SCAPER: variants seen among roughly 807,000 people sequenced by gnomAD.
SCAPER encodes S phase cyclin A-associated protein in the endoplasmic reticulum.
A neutral mutation model predicts 182.2 loss-of-function variants in SCAPER; 98 were observed. The observed-to-expected ratio is 0.54, with a 90% CI of 0.46 to 0.64. The LOEUF is 0.64. Among genes scored for constraint, SCAPER ranks in the 30% least tolerant of loss-of-function variants. The pLI is 0.00. For missense variants in SCAPER, 1,432 were observed against 1,690.0 expected (o/e 0.85, Z 2.68); for synonymous variants, 605 against 564.6 (o/e 1.07, Z -1.01).
rs1310915756 is a variant in SCAPER at position 76,574,259 on chromosome 15, G to C, written c.2737C>G (p.Leu913Val). The change falls in exon 23 of 32, where the codon CTA becomes GTA. Residue 913 changes from leucine to valine, a missense_variant. Leu to Val is a conservative substitution (Grantham distance 32). This residue lies in a region of SCAPER where 718 missense variants were observed against 799.7 expected (regional missense o/e 0.90). Transcript: ENST00000563290. ...CTGTCTTGAACTTGTACTTGTTTTA[G>C]AAGATCTTTGGCTAATCGCTGAAGC... Reference protein sequence around the residue: ...AKLQRLAKDLLKQVQVQDSGS... With the variant: ...AKLQRLAKDLVKQVQVQDSGS... 2 of 1,611,656 alleles carry C rather than the reference G, an allele frequency of 1.2e-6. No individual in the cohort carries two copies. The highest frequency in any genetic ancestry group is 1.3e-5 in the African/African-American group (1 of 74,994).
chr15:76,654,359 G>A (rs993998455), intron 21 of SCAPER, among the ~76,000 whole-genome samples: 15 of 151,704 alleles, frequency 9.9e-5, no homozygotes, highest in African/African-American at 3.4e-4. Flanking sequence ...AGTGAGCCGA[G>A]ATCACACCAC....
chr15:76,635,029 A>T (rs1229172902), intron 21 of SCAPER, among the ~76,000 whole-genome samples: 1 of 152,250 alleles, frequency 6.6e-6, no homozygotes, highest in Non-Finnish European at 1.5e-5. Flanking sequence ...TCACAAAATC[A>T]TCACCAAACT....
chr15:76,383,105 T>TACC (rs2043070507), intron 27 of SCAPER, among the ~76,000 whole-genome samples: 1 of 149,948 alleles, frequency 6.7e-6, no homozygotes, highest in African/African-American at 2.5e-5. Flanking sequence ...TGTGTGTAAA[T>TACC]ACACACACAC....
chr15:76,747,515 A>G (rs2061857640), intron 15 of SCAPER, among the ~76,000 whole-genome samples: 3 of 151,924 alleles, frequency 2.0e-5, no homozygotes, highest in South Asian at 4.1e-4. Flanking sequence ...ATATATATAT[A>G]TATGTAATCA....
chr15:76,751,496 A>G (rs957427525), intron 15 of SCAPER, among the ~76,000 whole-genome samples: 2 of 151,834 alleles, frequency 1.3e-5, no homozygotes, highest in African/African-American at 4.8e-5. Context: ...AACTACAATC[A>G]TGAAAACAGT....
rs575069655 is a variant in SCAPER, at chr15:76,363,990, A to G, written c.3856-9850T>C. 5.3e-4 allele frequency among the ~76,000 whole-genome samples: 81 copies of G among 152,334 alleles called. 1 individual carries two copies. The highest frequency in any genetic ancestry group is 1.9e-3 in the South Asian group (9 of 4,824). The stretch of plus-strand genomic sequence containing the variant: ...GAGGCCAATGACCTCTATGTGTCAT[A>G]AAGAATATGGCATGCCCCAAACACA... On this transcript the variant is annotated intron_variant, in intron 29 of 31. Coordinates refer to ENST00000563290, the MANE Select transcript of SCAPER (RefSeq NM_020843.4).
chr15:76,753,291 A>C (rs558594111), intron 15 of SCAPER, among the ~76,000 whole-genome samples: 1 of 152,016 alleles, frequency 6.6e-6, no homozygotes, highest in Non-Finnish European at 1.5e-5. Flanking sequence ...CCCAGCAATG[A>C]AAAGAAAGGA....
intron 17 of SCAPER, among the ~76,000 whole-genome samples, chr15:76,727,430 C>G (rs775217259): frequency 1.4e-4 from 21 of 151,962 alleles, no homozygotes; most frequent in Non-Finnish European, 2.9e-4. Context: ...AGTCCACGAG[C>G]AGACCCACAC....
intron 26 of SCAPER, among the ~76,000 whole-genome samples, chr15:76,421,647 T>A (rs1307829030): frequency 1.3e-5 from 2 of 152,254 alleles, no homozygotes; most frequent in Non-Finnish European, 2.9e-5. Context: ...TTGTCAACTT[T>A]GGCTTTTGTT....
At position 76,572,944 on chromosome 15, in the gene SCAPER, C is replaced by CACACAG. The variant is rs1304389875; in HGVS notation, c.2838+1213_2838+1214insCTGTGT. 1.5e-4 allele frequency among the ~76,000 whole-genome samples: 23 copies of CACACAG among 151,548 alleles called. No individual in the cohort carries two copies. The East Asian group carries it at 2.3e-3, about 15-fold the overall frequency. On this transcript the variant is annotated intron_variant, in intron 23 of 31. Transcript: ENST00000563290. ...TCACACACACACACACACACACACA[C>CACACAG]AGAGAAATGTCCACTGTCAGAATAG...
At chr15:76,724,608 G>A (rs903435388) in intron 17 of SCAPER, among the ~76,000 whole-genome samples, 2 of 152,088 alleles carry the variant, frequency 1.3e-5, no homozygotes, top group African/African-American at 4.8e-5. Flanking sequence ...CATATTTCTT[G>A]GAGGCTTTGT....
chr15:76,752,638 C>A (rs2062160777), intron 15 of SCAPER, among the ~76,000 whole-genome samples: 1 of 151,692 alleles, frequency 6.6e-6, no homozygotes, highest in African/African-American at 2.4e-5. Flanking sequence ...TAAAATTACA[C>A]CATATCATTC....
intron 22 of SCAPER, among the ~76,000 whole-genome samples, chr15:76,614,066 A>G (rs1173155047): frequency 6.6e-6 from 1 of 152,228 alleles, no homozygotes; most frequent in African/African-American, 2.4e-5. Flanking sequence ...TAATACAGCC[A>G]TAAGAAGGAA....
At chr15:76,706,792 A>G (rs2059285116) in intron 17 of SCAPER, among the ~76,000 whole-genome samples, 1 of 152,072 alleles carries the variant, frequency 6.6e-6, no homozygotes, top group Non-Finnish European at 1.5e-5. Context: ...CACTCCCCTC[A>G]TGTATCCCAG....
chr15:76,582,251 T>A (rs1303541283), intron 22 of SCAPER, among the ~76,000 whole-genome samples: 1 of 152,224 alleles, frequency 6.6e-6, no homozygotes, highest in Non-Finnish European at 1.5e-5. Context: ...TAAACAAATT[T>A]AGTAAAACTG....
intron 22 of SCAPER, among the ~76,000 whole-genome samples, chr15:76,617,628 C>T (rs1028984421): frequency 6.6e-6 from 1 of 152,110 alleles, no homozygotes; most frequent in Admixed American, 6.6e-5. Flanking sequence ...ATTTCTCACT[C>T]ACAAGGAGGC....
At chr15:76,712,773 T>C (rs1447802923) in intron 17 of SCAPER, among the ~76,000 whole-genome samples, 1 of 152,044 alleles carries the variant, frequency 6.6e-6, no homozygotes, top group Non-Finnish European at 1.5e-5. Flanking sequence ...GCTTGTGATT[T>C]TTGTACATTG....
intron 27 of SCAPER, among the ~76,000 whole-genome samples, chr15:76,394,032 A>C (rs2043881607): frequency 6.6e-6 from 1 of 152,214 alleles, no homozygotes; most frequent in Non-Finnish European, 1.5e-5. Flanking sequence ...CTGTGAGATT[A>C]ATAGATGGTT....
chr15:76,736,558 T>A (rs1246476127), intron 15 of SCAPER: 1 of 152,290 alleles, frequency 6.6e-6, no homozygotes, highest in Non-Finnish European at 1.5e-5. Context: ...ATTTGTTATT[T>A]CAACAATGTT....
Sources: gnomAD v4.1 joint callset for allele counts (sites outside exome capture counted in the v4.1 genomes callset) on GRCh38, gnomAD v4.1.1 for gene constraint, gnomAD v4.1.1 regional missense constraint, MANE v1.5 for transcripts, NCBI Gene and HGNC (gene_info 2026-07-23, HGNC 2026-07-21) for gene names.